Variants in NTN4 observed in about 807,000 individuals in gnomAD.
The protein encoded by NTN4 is netrin 4, also known as netrin-4.
In NTN4, 32 loss-of-function variants were observed where a neutral mutation model predicts 73.6. That is an observed-to-expected ratio of 0.44 (90% CI 0.33 to 0.58). NTN4 has a LOEUF of 0.58. Among genes scored for constraint, NTN4 ranks in the 20% least tolerant of loss-of-function variants. The pLI is 0.04. For synonymous variants in NTN4, 258 were observed against 287.5 expected (o/e 0.90, Z 1.04); for missense variants, 654 against 798.3 (o/e 0.82, Z 2.18).
chr12:95,699,529 A>T (rs548866722), intron 5 of NTN4, among the ~76,000 whole-genome samples: 2 of 152,194 alleles, frequency 1.3e-5, no homozygotes, highest in African/African-American at 4.8e-5. Flanking sequence ...ATTTGAGTAG[A>T]ATGTGAAGAA....
At chr12:95,746,554 G>A (rs1158710923) in intron 2 of NTN4, among the ~76,000 whole-genome samples, 1 of 152,164 alleles carries the variant, frequency 6.6e-6, no homozygotes, top group East Asian at 1.9e-4. Flanking sequence ...TACAACAAGG[G>A]TGTTTCTCTC....
chr12:95,732,584 G>A (rs769705696), intron 3 of NTN4, among the ~76,000 whole-genome samples: 45 of 151,934 alleles, frequency 3.0e-4, no homozygotes, highest in Non-Finnish European at 5.4e-4. Context: ...TTGTATTTTA[G>A]TAGAGACAGG....
chr12:95,733,183 C>G (rs922066890), intron 3 of NTN4, among the ~76,000 whole-genome samples: 1 of 152,222 alleles, frequency 6.6e-6, no homozygotes, highest in Non-Finnish European at 1.5e-5. Flanking sequence ...CCTCTTATTA[C>G]CATTCATCAC....
chr12:95,729,978 C>G (rs565207979), intron 3 of NTN4, among the ~76,000 whole-genome samples: 2 of 152,096 alleles, frequency 1.3e-5, no homozygotes, highest in Non-Finnish European at 2.9e-5. Flanking sequence ...GATCTGACTC[C>G]AGGTTCCCAG....
chr12:95,727,740 C>A (rs2078705405), intron 3 of NTN4, among the ~76,000 whole-genome samples: 1 of 152,092 alleles, frequency 6.6e-6, no homozygotes, highest in Non-Finnish European at 1.5e-5. Context: ...TGTGAGTTCT[C>A]CAACTTTGCT....
At chr12:95,724,023 GTTTT>G (rs1044519595) in intron 3 of NTN4, among the ~76,000 whole-genome samples, 1 of 149,170 alleles carries the variant, frequency 6.7e-6, no homozygotes, top group East Asian at 2.0e-4. Flanking sequence ...GTTACCTAGA[GTTTT>G]TTTTTTAAAT....
At chr12:95,755,521 G>A (rs953237272) in intron 2 of NTN4, among the ~76,000 whole-genome samples, 2 of 152,202 alleles carry the variant, frequency 1.3e-5, no homozygotes, top group Non-Finnish European at 2.9e-5. Flanking sequence ...TTAGAGAAGT[G>A]TGTCTGTCTT....
At chr12:95,752,882 A>G (rs902911189) in intron 2 of NTN4, among the ~76,000 whole-genome samples, 1 of 152,116 alleles carries the variant, frequency 6.6e-6, no homozygotes, top group Non-Finnish European at 1.5e-5. Flanking sequence ...CACTCTCTAC[A>G]TTTCTCATAG....
At chr12:95,731,904 G>T (rs566068359) in intron 3 of NTN4, among the ~76,000 whole-genome samples, 2 of 152,244 alleles carry the variant, frequency 1.3e-5, no homozygotes, top group East Asian at 3.9e-4. Context: ...AGAAAATAAT[G>T]ATACTCCATG....
chr12:95,733,887 G>C (rs2078756457), intron 3 of NTN4, among the ~76,000 whole-genome samples: 1 of 151,854 alleles, frequency 6.6e-6, no homozygotes, highest in South Asian at 2.1e-4. Flanking sequence ...CTGGCCTACA[G>C]GGCGAAACCC....
At chr12:95,732,473 A>G (rs953441869) in intron 3 of NTN4, among the ~76,000 whole-genome samples, 3 of 125,042 alleles carry the variant, frequency 2.4e-5, no homozygotes, top group African/African-American at 8.6e-5. Context: ...GCGCAATCTC[A>G]GCTCACTGCA....
chr12:95,735,052 A>C (rs1290823023), intron 3 of NTN4, among the ~76,000 whole-genome samples: 9 of 152,196 alleles, frequency 5.9e-5, no homozygotes, highest in Non-Finnish European at 5.9e-5. Flanking sequence ...AAAACAAAAC[A>C]AAACAAAAAC....
chr12:95,698,683 A>C (rs2078459781), intron 5 of NTN4, among the ~76,000 whole-genome samples: 1 of 152,002 alleles, frequency 6.6e-6, no homozygotes, highest in South Asian at 2.1e-4. Flanking sequence ...GACCCTGTCT[A>C]TACTAAAAAT....
At chr12:95,760,322 C>T (rs934550541) in intron 2 of NTN4, among the ~76,000 whole-genome samples, 2 of 152,206 alleles carry the variant, frequency 1.3e-5, no homozygotes, top group African/African-American at 4.8e-5. Context: ...TCAACTACTA[C>T]TTTCTGACAG....
Position 95,790,223 on chromosome 12 carries a change from AG to A in NTN4, c.55+31del. 1.3e-6 allele frequency: 2 copies of A among 1,522,412 alleles called. No homozygotes were observed. The highest frequency in any genetic ancestry group is 2.6e-5 in the East Asian group (1 of 37,914). The allele number at this position is 1,522,412 out of a possible 1,614,324, so 94.3% of individuals were successfully genotyped here. A position where few individuals can be genotyped will look rare whatever the true frequency, so the allele number is the denominator to read the frequency against. ...GATGGGTTAGAGAAGCAGCGAGGGA[AG>A]GGGTGGGGGCCCCGCCGCGTCACCA... On this transcript the variant is annotated intron_variant, in intron 1 of 9. Transcript: ENST00000343702. The surrounding 1 kb of genome is among the most constrained non-coding windows in gnomAD (Gnocchi z 6.5).
At chr12:95,704,144 C>G (rs939626755) in intron 5 of NTN4, among the ~76,000 whole-genome samples, 1 of 152,134 alleles carries the variant, frequency 6.6e-6, no homozygotes, top group Non-Finnish European at 1.5e-5. Context: ...ATCAGAGGTT[C>G]TGAATTGCTA....
At chr12:95,743,274 ATTG>A (rs1268892332) in intron 2 of NTN4, among the ~76,000 whole-genome samples, 1 of 151,742 alleles carries the variant, frequency 6.6e-6, no homozygotes. Context: ...GATTTTCTCT[ATTG>A]TTTTTCTGTT....
At chr12:95,692,962 ATATT>A (rs891668828) in intron 5 of NTN4, among the ~76,000 whole-genome samples, 4 of 152,190 alleles carry the variant, frequency 2.6e-5, no homozygotes, top group African/African-American at 9.7e-5. Context: ...ATGTATGTAA[ATATT>A]TAGCAATGTA....
intron 9 of NTN4, among the ~76,000 whole-genome samples, chr12:95,663,971 C>A (rs2078158997): frequency 6.6e-6 from 1 of 152,092 alleles, no homozygotes; most frequent in African/African-American, 2.4e-5. Flanking sequence ...GGAAATAGAA[C>A]TTACATGAAT....
Sources: allele counts gnomAD v4.1 joint callset (sites outside exome capture counted in the v4.1 genomes callset), GRCh38; gene constraint gnomAD v4.1.1; non-coding constraint Gnocchi (gnomAD v3.1); transcripts MANE v1.5; gene names NCBI Gene and HGNC (gene_info 2026-07-23, HGNC 2026-07-21).